PLEKHA5: variants seen among roughly 807,000 people sequenced by gnomAD.
PLEKHA5 encodes pleckstrin homology domain-containing family A member 5.
In PLEKHA5, 55 loss-of-function variants were observed where a neutral mutation model predicts 181.9. The observed-to-expected ratio is 0.30, with a 90% confidence interval of 0.24 to 0.38. The LOEUF (loss-of-function observed/expected upper bound fraction) is 0.38. Ranked by LOEUF, PLEKHA5 falls within the 10% of genes least tolerant of loss-of-function variation. PLEKHA5 has a pLI of 1.00. For missense variants in PLEKHA5, 1,432 were observed against 1,549.5 expected (o/e 0.92, Z 1.27); for synonymous variants, 535 against 529.4 (o/e 1.01, Z -0.15).
chr12:19,285,072 T>G (rs1038452249), intron 12 of PLEKHA5, among the ~76,000 whole-genome samples: 1 of 152,224 alleles, frequency 6.6e-6, no homozygotes, highest in African/African-American at 2.4e-5. Context: ...TTGTTAAGAT[T>G]AATAGATTAA....
Position 19,287,525 on chromosome 12 carries a change from C to G in PLEKHA5, c.1832C>G (p.Ser611Cys). The change falls in exon 13 of 32, where the codon TCT becomes TGT. Residue 611 changes from serine to cysteine, a missense_variant. Around this residue, in one of 2 missense-constraint regions of PLEKHA5, gnomAD observed 1,143 missense variants for 1,168.4 expected, o/e 0.98. Transcript: ENST00000429027. ...RSVPAGLTLQ[S>C]VSPQSLQGKT... ...GTGCCAGCTGGCCTGACTTTACAGT[C>G]TGTTAGTCCCCAGAGCCTCCAAGGG... 2 of 1,607,628 alleles carry G rather than the reference C, an allele frequency of 1.2e-6. No homozygotes were observed. Among genetic ancestry groups the G allele is most frequent in the South Asian group, 2.2e-5 (2 of 90,518 alleles).
At chr12:19,299,409 C>T (rs954833463) in intron 15 of PLEKHA5, among the ~76,000 whole-genome samples, 4 of 152,160 alleles carry the variant, frequency 2.6e-5, no homozygotes, top group African/African-American at 9.7e-5. Context: ...ATTTAGTCAG[C>T]AAATCTTGGC....
intron 3 of PLEKHA5, among the ~76,000 whole-genome samples, chr12:19,172,547 C>T (rs369574192): frequency 6.6e-6 from 1 of 152,130 alleles, no homozygotes; most frequent in African/African-American, 2.4e-5. Context: ...CATCAGTAGT[C>T]ATTAGGGAAA....
chr12:19,174,653 G>A (rs1158005743), intron 3 of PLEKHA5, among the ~76,000 whole-genome samples: 1 of 152,104 alleles, frequency 6.6e-6, no homozygotes, highest in East Asian at 1.9e-4. Flanking sequence ...GAGGGCTAAG[G>A]TGACACCTAG....
chr12:19,305,894 A>G (rs1389543404), intron 15 of PLEKHA5, among the ~76,000 whole-genome samples: 1 of 146,476 alleles, frequency 6.8e-6, no homozygotes, highest in African/African-American at 2.5e-5. Flanking sequence ...ACAACTATGA[A>G]GACTGGGCGC....
At chr12:19,239,745 A>G (rs1210087113) in intron 3 of PLEKHA5, among the ~76,000 whole-genome samples, 1 of 152,142 alleles carries the variant, frequency 6.6e-6, no homozygotes, top group African/African-American at 2.4e-5. Context: ...TCTGTGCTGA[A>G]CTCCAGCCAC....
intron 5 of PLEKHA5, 45 bp from the exon 6 acceptor site, chr12:19,257,388 T>C: frequency 1.1e-6 from 1 of 877,766 alleles, no homozygotes; most frequent in Non-Finnish European, 1.9e-6. Flanking sequence ...CTCAAATCTC[T>C]AGGCATTAAT....
At chr12:19,358,500 G>A (rs1370846034) in intron 27 of PLEKHA5, 63 bp downstream of exon 27, 13 of 1,074,298 alleles carry the variant, frequency 1.2e-5, no homozygotes, top group Non-Finnish European at 1.8e-5. Context: ...TTTGGAATCA[G>A]AGTTACATGA....
intron 15 of PLEKHA5, among the ~76,000 whole-genome samples, chr12:19,294,358 T>G (rs1181163014): frequency 6.6e-6 from 1 of 152,170 alleles, no homozygotes; most frequent in African/African-American, 2.4e-5. Flanking sequence ...GAGTACCAGG[T>G]CCGTTGCTTT....
chr12:19,287,074 T>G lies in PLEKHA5; in HGVS notation c.1780-399T>G, dbSNP rs558524925. Among the ~76,000 whole-genome samples, 327 of 152,010 alleles carry G rather than the reference T, an allele frequency of 2.2e-3. 2 individuals carry two copies. The highest frequency in any genetic ancestry group is 7.1e-3 in the African/African-American group (296 of 41,530). On this transcript the variant is annotated intron_variant, in intron 12 of 31. Coordinates refer to ENST00000429027, the MANE Select transcript of PLEKHA5 (RefSeq NM_001256470.2). ...GTGCAGTGGTGCTATCTCGGCTCAC[T>G]GCAACCTCTGCCTCCCGGGGTCAAG...
At chr12:19,267,506 A>C (rs2070881803) in intron 8 of PLEKHA5, among the ~76,000 whole-genome samples, 2 of 152,012 alleles carry the variant, frequency 1.3e-5, no homozygotes, top group South Asian at 4.2e-4. Context: ...CTAAAAATAC[A>C]AAAATTAACC....
intron 4 of PLEKHA5, 145 bp from the exon 5 acceptor site, chr12:19,254,900 G>T: frequency 1.8e-6 from 1 of 556,398 alleles, no homozygotes; most frequent in Non-Finnish European, 3.0e-6. Flanking sequence ...TAAAGTTGTT[G>T]TAAGTATTAA....
At chr12:19,246,742 T>A (rs2063851633) in intron 3 of PLEKHA5, among the ~76,000 whole-genome samples, 1 of 152,180 alleles carries the variant, frequency 6.6e-6, no homozygotes, top group Non-Finnish European at 1.5e-5. Flanking sequence ...AAAAGATTTT[T>A]GCATTCAATG....
At chr12:19,181,017 G>T (rs1271969645) in intron 3 of PLEKHA5, among the ~76,000 whole-genome samples, 2 of 139,036 alleles carry the variant, frequency 1.4e-5, no homozygotes, top group Non-Finnish European at 3.1e-5. Context: ...GTTTCACATG[G>T]ATAGGCAGAT....
intron 22 of PLEKHA5, among the ~76,000 whole-genome samples, chr12:19,345,260 C>A (rs1039050661): frequency 1.3e-5 from 2 of 151,774 alleles, no homozygotes; most frequent in Admixed American, 6.6e-5. Context: ...ATTAGCCATG[C>A]ATGGTGGCGT....
intron 31 of PLEKHA5, among the ~76,000 whole-genome samples, chr12:19,374,894 G>T (rs185721375): frequency 3.0e-4 from 45 of 152,228 alleles, no homozygotes; most frequent in Admixed American, 2.7e-3. Flanking sequence ...GGCAGAGGTT[G>T]CAGTGAACTG....
chr12:19,171,757 A>G (rs2045944779), intron 3 of PLEKHA5, among the ~76,000 whole-genome samples: 1 of 152,212 alleles, frequency 6.6e-6, no homozygotes. Context: ...CTACACAAAA[A>G]TGTTTTCTTT....
intron 3 of PLEKHA5, among the ~76,000 whole-genome samples, chr12:19,233,722 C>G (rs148494251): frequency 2.0e-5 from 3 of 152,268 alleles, no homozygotes; most frequent in South Asian, 4.1e-4. Context: ...GTCATTATCA[C>G]AAATATTGCT....
intron 20 of PLEKHA5, among the ~76,000 whole-genome samples, chr12:19,328,636 C>A: frequency 6.7e-6 from 1 of 150,052 alleles, no homozygotes; most frequent in South Asian, 2.1e-4. Flanking sequence ...TGGCTCTCAG[C>A]TTGAACATTA....
Sources: gnomAD v4.1 joint callset for allele counts (sites outside exome capture counted in the v4.1 genomes callset) on GRCh38, gnomAD v4.1.1 for gene constraint, gnomAD v4.1.1 regional missense constraint, MANE v1.5 for transcripts, NCBI Gene and HGNC (gene_info 2026-07-23, HGNC 2026-07-21) for gene names.